Variants in PXDC1 observed in about 807,000 individuals in gnomAD.
The protein encoded by PXDC1 is PX domain containing 1.
A neutral mutation model predicts 24.4 loss-of-function variants in PXDC1; 13 were observed. The ratio of observed to expected loss-of-function variants is 0.53; its 90% CI spans 0.35 to 0.85. The LOEUF is 0.85. Ranked by LOEUF, PXDC1 falls within the 40% of genes least tolerant of loss-of-function variation. PXDC1 has a pLI of 0.01. For missense variants in PXDC1, 344 were observed against 309.3 expected (o/e 1.11, Z -0.84); for synonymous variants, 162 against 124.9 (o/e 1.30, Z -1.98).
chr6:3,743,296 G>A lies in PXDC1; in HGVS notation c.257-5148C>T, dbSNP rs147906840. On this transcript the variant is annotated intron_variant, in intron 1 of 4. Transcript: ENST00000380283. ...AGGCCTCTCTGAGCACTCAGAGGACGCGGTTCCCACACGCACACAACAGTC... is the reference window on the plus strand; with the variant it reads ...AGGCCTCTCTGAGCACTCAGAGGACACGGTTCCCACACGCACACAACAGTC... Among the ~76,000 whole-genome samples the A allele has an allele frequency of 3.7e-3, 571 of 152,282 alleles. 4 individuals are homozygous for A. The highest frequency in any genetic ancestry group is 0.013 in the African/African-American group (540 of 41,540).
intron 2 of PXDC1, 55 bp downstream of exon 2, chr6:3,738,002 G>A: frequency 5.6e-6 from 8 of 1,419,132 alleles, no homozygotes; most frequent in Non-Finnish European, 7.9e-6. Context: ...TTCGCATTTG[G>A]GAGGTGCCAG....
At chr6:3,736,558 A>G (rs545747763) in intron 3 of PXDC1, among the ~76,000 whole-genome samples, 1 of 152,280 alleles carries the variant, frequency 6.6e-6, no homozygotes, top group South Asian at 2.1e-4. Flanking sequence ...TTCTCATGAC[A>G]CCTGCAACCC....
Position 3,723,798 on chromosome 6 carries a change from GCCGGGA to G in PXDC1, c.579-68_579-63del, listed in dbSNP as rs1759994977. 16 of 1,309,988 alleles carry G rather than the reference GCCGGGA, an allele frequency of 1.2e-5. No individual in the cohort carries two copies. The South Asian group carries it at 1.4e-4, about 12-fold the overall frequency. The allele number at this position is 1,309,988 out of a possible 1,614,324, so 81.1% of individuals were successfully genotyped here. On this transcript the variant is annotated intron_variant, in intron 4 of 4. Coordinates refer to ENST00000380283, the MANE Select transcript of PXDC1 (RefSeq NM_183373.4). Reference sequence around the variant, plus strand: ...TTGTTGGGATCAACACCAAACACCCGCCGGGACCATGAGCATGACTTTCAATGCCCG... The same window carrying G: ...TTGTTGGGATCAACACCAAACACCCGCCATGAGCATGACTTTCAATGCCCG...
At chr6:3,750,605 A>G (rs2127603377) in intron 1 of PXDC1, among the ~76,000 whole-genome samples, 1 of 152,244 alleles carries the variant, frequency 6.6e-6, no homozygotes, top group African/African-American at 2.4e-5. Context: ...GAAAACAAGA[A>G]TTCCCGCGAG....
chr6:3,733,211 T>C (rs893335776), intron 3 of PXDC1, among the ~76,000 whole-genome samples: 3 of 152,016 alleles, frequency 2.0e-5, no homozygotes, highest in South Asian at 2.1e-4. Flanking sequence ...GGGGGACGCA[T>C]GAGAGAAAGC....
At position 3,751,584 on chromosome 6, in the gene PXDC1, G is replaced by T. The variant is rs892047213; in HGVS notation, c.-53C>A. ...CCCCAGCCCCGCCGCCCGCCCGCCC[G>T]CAGGAGGCGCGCCCCGGCCGGGGTC... On this transcript the variant is annotated 5_prime_UTR_variant, in exon 1 of 5. Transcript: ENST00000380283. 5 of 1,442,438 alleles carry T rather than the reference G, an allele frequency of 3.5e-6. No individual in the cohort carries two copies. The African/African-American group carries it at 7.5e-5, about 22-fold the overall frequency. The allele number at this position is 1,442,438 out of a possible 1,614,324, so 89.4% of individuals were successfully genotyped here. A position where few individuals can be genotyped will look rare whatever the true frequency, so the allele number is the denominator to read the frequency against.
chr6:3,747,170 G>T (rs888054757), intron 1 of PXDC1, among the ~76,000 whole-genome samples: 2 of 151,796 alleles, frequency 1.3e-5, no homozygotes, highest in Non-Finnish European at 2.9e-5. Context: ...ACTCCCCCAT[G>T]GCAGCAAATG....
Position 3,724,831 on chromosome 6 carries a change from C to T in PXDC1, c.579-1095G>A, listed in dbSNP as rs1046978603. 2.0e-5 allele frequency among the ~76,000 whole-genome samples: 3 copies of T among 152,224 alleles called. No homozygotes were observed. The highest frequency in any genetic ancestry group is 4.4e-5 in the Non-Finnish European group (3 of 68,042). On this transcript the variant is annotated intron_variant, in intron 4 of 4. Transcript: ENST00000380283. The surrounding 1 kb of genome is among the most constrained non-coding windows in gnomAD (Gnocchi z 4.5). The stretch of plus-strand genomic sequence containing the variant: ...TATGTCCCCCACAAACCTAGTACAT[C>T]GTGCGAATCCCGCTGACCTCAAGGG...
intron 3 of PXDC1, among the ~76,000 whole-genome samples, chr6:3,732,243 C>T (rs1427953181): frequency 1.3e-5 from 2 of 152,204 alleles, no homozygotes; most frequent in African/African-American, 4.8e-5. Context: ...CGGTCTCAGC[C>T]GTGAAAGCAT....
chr6:3,745,211 C>T (rs1760538898), intron 1 of PXDC1, among the ~76,000 whole-genome samples: 1 of 152,226 alleles, frequency 6.6e-6, no homozygotes, highest in Non-Finnish European at 1.5e-5. Flanking sequence ...GGGGGCCACA[C>T]CCAGAAGAGG....
Position 3,743,845 on chromosome 6 carries a change from C to T in PXDC1, c.257-5697G>A, listed in dbSNP as rs116586742. On this transcript the variant is annotated intron_variant, in intron 1 of 4. Coordinates refer to ENST00000380283, the MANE Select transcript of PXDC1 (RefSeq NM_183373.4). ...GCTGCAATGCATCAGGGGCGCCCAG[C>T]GGCTGGTCCACAGCCACCTCTCCTC... Among the ~76,000 whole-genome samples the T allele has an allele frequency of 6.5e-3, 997 of 152,294 alleles. 11 individuals carry two copies. Among genetic ancestry groups the T allele is most frequent in the African/African-American group, 0.023 (945 of 41,564 alleles).
Position 3,728,068 on chromosome 6 carries a change from T to C in PXDC1, c.467-406A>G, listed in dbSNP as rs1366734845. Among the ~76,000 whole-genome samples, 1 of 152,244 alleles carries C rather than the reference T, an allele frequency of 6.6e-6. No homozygotes were observed. The highest frequency in any genetic ancestry group is 1.9e-4 in the East Asian group (1 of 5,200). ...GTACCTCTCCTTGCTGAGCTCTCAC[T>C]GTGGCTGAGACATGAGTAACAATAT... On this transcript the variant is annotated intron_variant, in intron 3 of 4. Transcript: ENST00000380283. The surrounding 1 kb of genome is among the most constrained non-coding windows in gnomAD (Gnocchi z 4.0).
rs375071767 is a variant in PXDC1, at chr6:3,737,212, G to A, written c.349-16C>T. Reference sequence around the variant, plus strand: ...ATCTAGAATACTGGGGAGAAATGCAGGGATTACTAAAAACGATCAGCCTCT... The same window carrying A: ...ATCTAGAATACTGGGGAGAAATGCAAGGATTACTAAAAACGATCAGCCTCT... On this transcript the variant is annotated splice_polypyrimidine_tract_variant and intron_variant, in intron 2 of 4. Coordinates refer to ENST00000380283, the MANE Select transcript of PXDC1 (RefSeq NM_183373.4). The surrounding 1 kb of genome is among the most constrained non-coding windows in gnomAD (Gnocchi z 5.5). 5 of 1,551,320 alleles carry A rather than the reference G, an allele frequency of 3.2e-6. No homozygotes were observed. The highest frequency in any genetic ancestry group is 2.2e-5 in the East Asian group (1 of 44,616).
intron 1 of PXDC1, 32 bp downstream of exon 1, chr6:3,751,244 C>A: frequency 1.4e-6 from 2 of 1,425,992 alleles, no homozygotes; most frequent in Non-Finnish European, 1.8e-6. Flanking sequence ...CTGCCTCGGC[C>A]CCGCGCCCCT....
In PXDC1 at chr6:3,724,303, G is replaced by A. The variant is rs925528190; in HGVS notation, c.579-567C>T. Among the ~76,000 whole-genome samples, 5 of 152,118 alleles carry A rather than the reference G, an allele frequency of 3.3e-5. No individual in the cohort carries two copies. The highest frequency in any genetic ancestry group is 9.7e-5 in the African/African-American group (4 of 41,412). ...GTGTTTCATTCGCGCTCTGGCAGAT[G>A]AGAAGCATCCGAACATGGGGGACTT... On this transcript the variant is annotated intron_variant, in intron 4 of 4. Coordinates refer to ENST00000380283, the MANE Select transcript of PXDC1 (RefSeq NM_183373.4). This position sits in a 1 kb window ranked among gnomAD's most constrained non-coding sequence, Gnocchi z 4.5.
intron 1 of PXDC1, chr6:3,738,915 C>A (rs1263032957): frequency 1.5e-6 from 2 of 1,302,290 alleles, no homozygotes; most frequent in East Asian, 5.5e-5. Flanking sequence ...AGTAGGTGCC[C>A]AAGGACACTG....
chr6:3,724,392 C>T lies in PXDC1; in HGVS notation c.579-656G>A, dbSNP rs1006811120. ...AAACATAAGGGGACGTAAAAGCCCGCGATACTGACTCCCCACACACTGGAA... is the reference window on the plus strand; with the variant it reads ...AAACATAAGGGGACGTAAAAGCCCGTGATACTGACTCCCCACACACTGGAA... On this transcript the variant is annotated intron_variant, in intron 4 of 4. Transcript: ENST00000380283. This position sits in a 1 kb window ranked among gnomAD's most constrained non-coding sequence, Gnocchi z 4.5. 2.6e-5 allele frequency among the ~76,000 whole-genome samples: 4 copies of T among 152,080 alleles called. No homozygotes were observed. The highest frequency in any genetic ancestry group is 9.7e-5 in the African/African-American group (4 of 41,378).
At chr6:3,744,451 C>T (rs1391769573) in intron 1 of PXDC1, among the ~76,000 whole-genome samples, 1 of 135,396 alleles carries the variant, frequency 7.4e-6, no homozygotes, top group Non-Finnish European at 1.5e-5. Context: ...AGCAGGGGAT[C>T]CCCCCCACAC....
intron 1 of PXDC1, among the ~76,000 whole-genome samples, chr6:3,743,222 G>A (rs555519402): frequency 3.4e-4 from 52 of 152,194 alleles, no homozygotes; most frequent in Admixed American, 1.1e-3. Flanking sequence ...ATGCTGGCTC[G>A]GGTGCGCTGG....
Sources: allele counts gnomAD v4.1 joint callset (sites outside exome capture counted in the v4.1 genomes callset), GRCh38; gene constraint gnomAD v4.1.1; non-coding constraint Gnocchi (gnomAD v3.1); transcripts MANE v1.5; gene names NCBI Gene and HGNC (gene_info 2026-07-23, HGNC 2026-07-21).